MAP2: variants seen among roughly 807,000 people sequenced by gnomAD.
MAP2 encodes the protein microtubule-associated protein 2.
In MAP2, 14 loss-of-function variants were observed where a neutral mutation model predicts 137.6. That is an observed-to-expected ratio of 0.10 (90% CI 0.07 to 0.16). The LOEUF is 0.16. Ranked by LOEUF, MAP2 falls within the 10% of genes least tolerant of loss-of-function variation. The pLI is 1.00. For synonymous variants in MAP2, 786 were observed against 782.3 expected, an observed-to-expected ratio of 1.00 and a Z score of -0.08; for missense variants, 2,088 against 2,191.5, an observed-to-expected ratio of 0.95 and a Z score of 0.94.
chr2:209,530,673 A>G (rs1297171901), intron 2 of MAP2, among the ~76,000 whole-genome samples: 1 of 152,226 alleles, frequency 6.6e-6, no homozygotes, highest in Non-Finnish European at 1.5e-5. Flanking sequence ...ACAAATATTT[A>G]TGAAGTTCCT....
intron 3 of MAP2, among the ~76,000 whole-genome samples, chr2:209,618,218 A>G (rs1316736442): frequency 6.6e-6 from 1 of 152,094 alleles, no homozygotes; most frequent in Non-Finnish European, 1.5e-5. Context: ...CAGAGGAGAC[A>G]GGCAGAAAGA....
At chr2:209,543,230 CAT>C (rs1177940475) in intron 2 of MAP2, among the ~76,000 whole-genome samples, 1 of 152,182 alleles carries the variant, frequency 6.6e-6, no homozygotes, top group Non-Finnish European at 1.5e-5. Context: ...GCAGTCAGAA[CAT>C]GCGACATTTA....
At position 209,439,796 on chromosome 2, in the gene MAP2, G is replaced by A. The variant is rs79709992; in HGVS notation, c.-222+15520G>A. Reference sequence around the variant, plus strand: ...TATAAAGTTTATACAATTTTAAGTCGATGTTATGTTATCCCAGTGCTTGGT... The same window carrying A: ...TATAAAGTTTATACAATTTTAAGTCAATGTTATGTTATCCCAGTGCTTGGT... On this transcript the variant is annotated intron_variant, in intron 1 of 15. Transcript: ENST00000682079. Among the ~76,000 whole-genome samples, 9 of 151,420 alleles carry A rather than the reference G, an allele frequency of 5.9e-5. No individual in the cohort carries two copies. In the South Asian group the frequency reaches 6.2e-4, roughly 10 times the overall value.
intron 3 of MAP2, among the ~76,000 whole-genome samples, chr2:209,600,014 C>G (rs2082513541): frequency 6.6e-6 from 1 of 152,164 alleles, no homozygotes; most frequent in Non-Finnish European, 1.5e-5. Context: ...GTGCTCAGTT[C>G]TTTCTTGATG....
chr2:209,462,165 GT>G (rs2149602194), intron 1 of MAP2, among the ~76,000 whole-genome samples: 1 of 152,246 alleles, frequency 6.6e-6, no homozygotes, highest in African/African-American at 2.4e-5. Context: ...TTTTGTTCTA[GT>G]TTTCATTTTG....
intron 1 of MAP2, among the ~76,000 whole-genome samples, chr2:209,430,691 G>C (rs1000510292): frequency 1.3e-5 from 2 of 152,142 alleles, no homozygotes; most frequent in African/African-American, 4.8e-5. Context: ...AATGTCCTAA[G>C]TTGGAATACT....
intron 3 of MAP2, among the ~76,000 whole-genome samples, chr2:209,591,431 A>G (rs2079214217): frequency 6.6e-6 from 1 of 152,172 alleles, no homozygotes; most frequent in Non-Finnish European, 1.5e-5. Flanking sequence ...CTTCTACAAG[A>G]ATTTACAGTC....
chr2:209,592,426 T>C (rs2048250), intron 3 of MAP2, among the ~76,000 whole-genome samples: 103,368 of 152,070 alleles, frequency 0.68, 40,774 homozygotes, highest in Non-Finnish European at 0.87. Context: ...CTTTTCTGTA[T>C]TTCCTTTTGG....
At chr2:209,427,773 A>G (rs1692973623) in intron 1 of MAP2, among the ~76,000 whole-genome samples, 1 of 152,200 alleles carries the variant, frequency 6.6e-6, no homozygotes, top group Non-Finnish European at 1.5e-5. Flanking sequence ...AAAAGTCTGC[A>G]AATTAATATG....
chr2:209,438,335 G>A (rs1488730930), intron 1 of MAP2, among the ~76,000 whole-genome samples: 1 of 151,486 alleles, frequency 6.6e-6, no homozygotes, highest in African/African-American at 2.4e-5. Context: ...TCAGTAAATT[G>A]CTTAGGGTTC....
chr2:209,674,526 T>C lies in MAP2; in HGVS notation c.263-4046T>C, dbSNP rs77199316. ...TAACTAGAAAGTAGCAATGCTGGAA[T>C]TTGTACCCACATTTTCCTGAATTAA... On this transcript the variant is annotated intron_variant, in intron 5 of 15. Transcript: ENST00000682079. Among the ~76,000 whole-genome samples the C allele has an allele frequency of 1.8e-4, 27 of 151,832 alleles. No individual in the cohort carries two copies. The East Asian group carries it at 5.0e-3, about 28-fold the overall frequency.
Position 209,571,582 on chromosome 2 carries a change from T to C in MAP2, c.-171-8454T>C, listed in dbSNP as rs377066326. ...TATTATAGTTTTCCTTTCAACCTCT[T>C]GAGAGCTTTTAATTCCCAACATAGT... On this transcript the variant is annotated intron_variant, in intron 2 of 15. Coordinates refer to ENST00000682079, the MANE Select transcript of MAP2 (RefSeq NM_001375505.1). 2.0e-4 allele frequency among the ~76,000 whole-genome samples: 30 copies of C among 152,120 alleles called. No individual in the cohort carries two copies. In the East Asian group the frequency reaches 5.2e-3, roughly 26 times the overall value.
At chr2:209,483,812 C>G (rs934433632) in intron 1 of MAP2, among the ~76,000 whole-genome samples, 1 of 152,128 alleles carries the variant, frequency 6.6e-6, no homozygotes, top group East Asian at 1.9e-4. Flanking sequence ...AGAGCACACA[C>G]CATTTACTTT....
intron 1 of MAP2, among the ~76,000 whole-genome samples, chr2:209,497,388 C>A (rs751595367): frequency 6.6e-6 from 1 of 152,144 alleles, no homozygotes; most frequent in Non-Finnish European, 1.5e-5. Flanking sequence ...CTCGCCAGAA[C>A]CTGACCATGT....
At chr2:209,451,260 TGGTGAGGG>T (rs1274245316) in intron 1 of MAP2, among the ~76,000 whole-genome samples, 1 of 152,212 alleles carries the variant, frequency 6.6e-6, no homozygotes, top group Non-Finnish European at 1.5e-5. Context: ...TTCTCTACCC[TGGTGAGGG>T]GGTGAGTGTG....
intron 1 of MAP2, among the ~76,000 whole-genome samples, chr2:209,457,075 A>G (rs1294828522): frequency 1.3e-5 from 2 of 152,200 alleles, no homozygotes. Flanking sequence ...ATCACAGTTA[A>G]TATTTAGTTA....
At chr2:209,492,575 A>T (rs1456844800) in intron 1 of MAP2, among the ~76,000 whole-genome samples, 2 of 152,230 alleles carry the variant, frequency 1.3e-5, no homozygotes, top group African/African-American at 2.4e-5. Flanking sequence ...TAAGATGATA[A>T]GCAACTTCAG....
chr2:209,566,147 T>A (rs1464534687), intron 2 of MAP2, among the ~76,000 whole-genome samples: 1 of 152,220 alleles, frequency 6.6e-6, no homozygotes, highest in Non-Finnish European at 1.5e-5. Flanking sequence ...TAATTTATCC[T>A]GTTGATGAGA....
At position 209,597,987 on chromosome 2, in the gene MAP2, T is replaced by C. The variant is rs1263775572; in HGVS notation, c.-107+17887T>C. On this transcript the variant is annotated intron_variant, in intron 3 of 15. Coordinates refer to ENST00000682079, the MANE Select transcript of MAP2 (RefSeq NM_001375505.1). ...CAAGACTAGAATCTCCATGAGTGTC[T>C]GTCCTATTCTTTTTTATTTATTTAT... Among the ~76,000 whole-genome samples, 8 of 152,162 alleles carry C rather than the reference T, an allele frequency of 5.3e-5. No individual in the cohort carries two copies. In the South Asian group the frequency reaches 1.7e-3, roughly 32 times the overall value.
Sources: allele counts gnomAD v4.1 joint callset (sites outside exome capture counted in the v4.1 genomes callset), GRCh38; gene constraint gnomAD v4.1.1; transcripts MANE v1.5; gene names NCBI Gene and HGNC (gene_info 2026-07-23, HGNC 2026-07-21).